The following SLIT3 variants were observed in gnomAD, a reference collection of about 807,000 sequenced individuals.
SLIT3 encodes the protein slit guidance ligand 3, also known as slit homolog 3 protein.
In SLIT3, 68 loss-of-function variants were observed where a neutral mutation model predicts 184.0. That is an observed-to-expected ratio of 0.37 (90% CI 0.30 to 0.45). The LOEUF (loss-of-function observed/expected upper bound fraction) is 0.45, where lower values mean the gene tolerates loss of function less well. Among genes scored for constraint, SLIT3 ranks in the 20% least tolerant of loss-of-function variants. SLIT3 has a pLI of 1.00. For missense variants in SLIT3, 1,707 were observed against 2,026.0 expected (o/e 0.84, Z 3.02); for synonymous variants, 831 against 828.6 (o/e 1.00, Z -0.05).
In SLIT3 at chr5:168,753,510, A is replaced by G. The variant is rs115849655; in HGVS notation, c.1829+354T>C. Among the ~76,000 whole-genome samples, 316 of 152,368 alleles carry G rather than the reference A, an allele frequency of 2.1e-3. 2 individuals carry two copies. The highest frequency in any genetic ancestry group is 7.3e-3 in the African/African-American group (305 of 41,586). ...ATGTGCATGTTGCACGTGTCTGCAT[A>G]TATCATTTTTATAAAGGTCCTTATG... is the stretch of plus-strand genomic sequence containing the variant. On this transcript the variant is annotated intron_variant, in intron 17 of 35. Transcript: ENST00000519560.
rs56062027 is a variant in SLIT3, at chr5:169,084,454, ATTTTTTT to A, written c.413+109018_413+109024del. Among the ~76,000 whole-genome samples the A allele has an allele frequency of 8.7e-3, 886 of 101,406 alleles. 5 individuals are homozygous for A. The highest frequency in any genetic ancestry group is 0.059 in the South Asian group (178 of 2,994). The allele number at this position is 101,406 out of a possible 152,430, so 66.5% of individuals were successfully genotyped here. A position where few individuals can be genotyped will look rare whatever the true frequency, so the allele number is the denominator to read the frequency against. ...TACAGGCATGCGCCACCATGCCCAG[ATTTTTTT>A]TTTTTTTTTTTTTTTTTGTTTCTGG... On this transcript the variant is annotated intron_variant, in intron 4 of 35. Coordinates refer to ENST00000519560, the MANE Select transcript of SLIT3 (RefSeq NM_003062.4).
intron 5 of SLIT3, among the ~76,000 whole-genome samples, chr5:168,856,542 C>A (rs912994048): frequency 6.6e-6 from 1 of 152,100 alleles, no homozygotes; most frequent in Non-Finnish European, 1.5e-5. Flanking sequence ...CCCAATCACT[C>A]AAGATTCAGG....
intron 5 of SLIT3, among the ~76,000 whole-genome samples, chr5:168,868,472 G>C (rs962013313): frequency 6.6e-6 from 1 of 152,076 alleles, no homozygotes; most frequent in Non-Finnish European, 1.5e-5. Flanking sequence ...TGGCTTGGCC[G>C]GGCGCAGCGG....
At chr5:168,752,931 G>C in intron 18 of SLIT3, 24 bp downstream of exon 18, 1 of 1,612,652 alleles carries the variant, frequency 6.2e-7, no homozygotes, top group East Asian at 2.2e-5. Flanking sequence ...AGAGTCCGTG[G>C]GCAGTGGACC....
chr5:169,199,395 T>G (rs1439298766), intron 3 of SLIT3, among the ~76,000 whole-genome samples: 1 of 152,138 alleles, frequency 6.6e-6, no homozygotes, highest in South Asian at 2.1e-4. Flanking sequence ...GTGGGGTAAC[T>G]GATCAGTCAA....
chr5:169,182,906 C>T (rs1763214341), intron 4 of SLIT3, among the ~76,000 whole-genome samples: 1 of 152,174 alleles, frequency 6.6e-6, no homozygotes, highest in Non-Finnish European at 1.5e-5. Flanking sequence ...TGCCACAAAA[C>T]CCTGCCTAGG....
intron 3 of SLIT3, among the ~76,000 whole-genome samples, chr5:169,240,034 G>A (rs1765341062): frequency 6.6e-6 from 1 of 151,988 alleles, no homozygotes; most frequent in South Asian, 2.1e-4. Flanking sequence ...TCAACTCGGA[G>A]TATTTAGAGG....
rs768905743 is a variant in SLIT3, at chr5:168,844,699, C to G, written c.486-44G>C. 18 of 1,592,726 alleles carry G rather than the reference C, an allele frequency of 1.1e-5. No homozygotes were observed. The East Asian group carries it at 2.9e-4, about 26-fold the overall frequency. On this transcript the variant is annotated intron_variant, in intron 5 of 35. Coordinates refer to ENST00000519560, the MANE Select transcript of SLIT3 (RefSeq NM_003062.4). ...GAGCATGAAGGCTGAGCGGGGGCAG[C>G]GTGAGGGGCCGGCGGCCCAGGCCAC... is the stretch of plus-strand genomic sequence containing the variant.
chr5:168,954,783 G>A (rs1016811414), intron 4 of SLIT3, among the ~76,000 whole-genome samples: 2 of 152,210 alleles, frequency 1.3e-5, no homozygotes, highest in African/African-American at 2.4e-5. Flanking sequence ...AAACTGATGA[G>A]TAAAGAGATT....
At chr5:169,017,930 A>C (rs1005081364) in intron 4 of SLIT3, 2 of 152,228 alleles carry the variant, frequency 1.3e-5, no homozygotes, top group Non-Finnish European at 2.9e-5. Flanking sequence ...CAGGACAAAG[A>C]AACACAGGCT....
intron 3 of SLIT3, among the ~76,000 whole-genome samples, chr5:169,220,939 C>T (rs1764600189): frequency 6.6e-6 from 1 of 152,190 alleles, no homozygotes; most frequent in Non-Finnish European, 1.5e-5. Context: ...GGCATCTGAC[C>T]CTTCACTTGG....
At chr5:168,735,663 C>T (rs1362782834) in intron 20 of SLIT3, among the ~76,000 whole-genome samples, 2 of 40,420 alleles carry the variant, frequency 4.9e-5, no homozygotes, top group Non-Finnish European at 1.1e-4. Flanking sequence ...CAGATAGATA[C>T]ACACACACAC....
At chr5:169,192,023 G>A (rs1358443819) in intron 4 of SLIT3, among the ~76,000 whole-genome samples, 1 of 152,160 alleles carries the variant, frequency 6.6e-6, no homozygotes, top group East Asian at 1.9e-4. Flanking sequence ...TGCAGTACTG[G>A]GTGGAGAGAT....
intron 27 of SLIT3, among the ~76,000 whole-genome samples, chr5:168,697,740 G>A (rs2113272963): frequency 6.6e-6 from 1 of 152,284 alleles, no homozygotes; most frequent in Admixed American, 6.5e-5. Flanking sequence ...TCAGCTCTTG[G>A]GGTACAGCAA....
intron 1 of SLIT3, among the ~76,000 whole-genome samples, chr5:169,299,855 G>C (rs1467270798): frequency 6.6e-6 from 1 of 151,964 alleles, no homozygotes; most frequent in Non-Finnish European, 1.5e-5. Context: ...TCCATTCTCC[G>C]GCCCCTTCGT....
At chr5:168,700,287 A>C (rs1314588795) in intron 27 of SLIT3, among the ~76,000 whole-genome samples, 3 of 152,304 alleles carry the variant, frequency 2.0e-5, no homozygotes, top group Admixed American at 6.5e-5. Context: ...GGTGGAGATA[A>C]TTGAATCACG....
chr5:168,922,022 C>A (rs1562007649), intron 4 of SLIT3, among the ~76,000 whole-genome samples: 1 of 152,166 alleles, frequency 6.6e-6, no homozygotes, highest in Non-Finnish European at 1.5e-5. Context: ...ATATACCAAC[C>A]ATGCAAGGTT....
intron 4 of SLIT3, among the ~76,000 whole-genome samples, chr5:169,095,977 T>C (rs989323999): frequency 6.6e-6 from 1 of 152,254 alleles, no homozygotes; most frequent in Non-Finnish European, 1.5e-5. Flanking sequence ...CAAGTCTCTA[T>C]TGACAAAAAC....
intron 6 of SLIT3, among the ~76,000 whole-genome samples, chr5:168,829,011 C>A (rs537980539): frequency 6.6e-6 from 1 of 152,298 alleles, no homozygotes; most frequent in Non-Finnish European, 1.5e-5. Context: ...GCTGTAACCA[C>A]CTTTGGAGAG....
Sources: gnomAD v4.1 joint callset for allele counts (sites outside exome capture counted in the v4.1 genomes callset) on GRCh38, gnomAD v4.1.1 for gene constraint, MANE v1.5 for transcripts, NCBI Gene and HGNC (gene_info 2026-07-23, HGNC 2026-07-21) for gene names.